Variants in XRCC5 observed in about 807,000 individuals in gnomAD.
The protein encoded by XRCC5 is X-ray repair cross complementing 5.
Under a neutral mutation model 95.7 loss-of-function variants are expected in XRCC5, and 12 were observed. The ratio of observed to expected loss-of-function variants is 0.13; its 90% CI spans 0.08 to 0.20. The LOEUF (loss-of-function observed/expected upper bound fraction) is 0.20, where lower values mean the gene tolerates loss of function less well. Among genes scored for constraint, XRCC5 ranks in the 10% least tolerant of loss-of-function variants. The pLI is 1.00. For missense variants in XRCC5, 595 were observed against 873.9 expected, an observed-to-expected ratio of 0.68 and a Z score of 4.02; for synonymous variants, 281 against 290.3, an observed-to-expected ratio of 0.97 and a Z score of 0.33.
chr2:216,156,444 C>CT, intron 14 of XRCC5: 1 of 735,598 alleles, frequency 1.4e-6, no homozygotes, highest in South Asian at 1.3e-5. Flanking sequence ...TTTGTAGTCT[C>CT]TATCGTACAG....
intron 7 of XRCC5, among the ~76,000 whole-genome samples, 156 bp from the exon 8 acceptor site, chr2:216,127,380 A>T (rs1047055228): frequency 6.6e-6 from 1 of 152,242 alleles, no homozygotes; most frequent in Non-Finnish European, 1.5e-5. Context: ...TATGAAATAA[A>T]CTAAAATTTT....
intron 19 of XRCC5, 94 bp downstream of exon 19, chr2:216,195,080 A>G: frequency 3.5e-6 from 4 of 1,141,010 alleles, no homozygotes; most frequent in Non-Finnish European, 3.9e-6. Flanking sequence ...ATGGGTAACT[A>G]AATTAGTGTA....
chr2:216,125,914 AAGTGAG>A lies in XRCC5; in HGVS notation c.685_690del (p.Glu229_Ser230del). On this transcript the variant is annotated splice_acceptor_variant and coding_sequence_variant, in exon 7 of 21. Coordinates refer to ENST00000392132, the MANE Select transcript of XRCC5 (RefSeq NM_021141.4). LOFTEE classifies it high-confidence loss of function. The stretch of plus-strand genomic sequence containing the variant: ...CTTTCATTTTATATTTTTCTTTATT[AAGTGAG>A]AGTCTGAGAAAACTGTGCGTCTTCA... 6.2e-7 allele frequency: 1 copy of A among 1,610,788 alleles called. No homozygotes were observed. The highest frequency in any genetic ancestry group is 8.5e-7 in the Non-Finnish European group (1 of 1,177,198).
At chr2:216,198,647 C>G (rs1689779155) in intron 19 of XRCC5, among the ~76,000 whole-genome samples, 1 of 151,978 alleles carries the variant, frequency 6.6e-6, no homozygotes, top group South Asian at 2.1e-4. Flanking sequence ...CCTCTGCCTC[C>G]CAGGTTCAAG....
intron 10 of XRCC5, 32 bp from the exon 11 acceptor site, chr2:216,137,053 TGAA>T: frequency 6.3e-7 from 1 of 1,593,362 alleles, no homozygotes; most frequent in South Asian, 1.2e-5. Flanking sequence ...TCTCACATGT[TGAA>T]TATGTGTTAA....
At chr2:216,200,060 G>A (rs1448025779) in intron 19 of XRCC5, among the ~76,000 whole-genome samples, 1 of 151,996 alleles carries the variant, frequency 6.6e-6, no homozygotes, top group Non-Finnish European at 1.5e-5. Flanking sequence ...CCCCTGTCTA[G>A]AGAGGTAAAG....
chr2:216,167,683 A>G (rs1047308073), intron 16 of XRCC5, among the ~76,000 whole-genome samples: 8 of 151,792 alleles, frequency 5.3e-5, no homozygotes, highest in Non-Finnish European at 1.0e-4. Flanking sequence ...TACTCTGCCC[A>G]GATAGATAAG....
intron 13 of XRCC5, among the ~76,000 whole-genome samples, chr2:216,147,146 G>A (rs1372478540): frequency 6.6e-6 from 1 of 152,144 alleles, no homozygotes; most frequent in Admixed American, 6.6e-5. Context: ...TGCGGAGATA[G>A]TATTTCAGCA....
rs1696918427 is a variant in XRCC5 at position 216,127,576 on chromosome 2, A to G, written c.839A>G (p.Asp280Gly). Residue 280 changes from aspartate to glycine, a missense_variant, in exon 8 of 21, where the codon GAT becomes GGT. By Grantham distance (94) the Asp-to-Gly change is moderately conservative. Transcript: ENST00000392132. Reference protein sequence around the residue: ...ERVKKTWTVVDAKTLKKEDIQ... With the variant: ...ERVKKTWTVVGAKTLKKEDIQ... ...GTTAAAAAGACTTGGACAGTTGTGG[A>G]TGCAAAAACCCTAAAAAAAGAAGAT... is the stretch of plus-strand genomic sequence containing the variant. 6.2e-7 allele frequency: 1 copy of G among 1,612,236 alleles called. No individual in the cohort carries two copies. The highest frequency in any genetic ancestry group is 8.5e-7 in the Non-Finnish European group (1 of 1,179,492).
chr2:216,134,431 GTTT>G (rs780804346), intron 10 of XRCC5, among the ~76,000 whole-genome samples: 11 of 125,494 alleles, frequency 8.8e-5, no homozygotes, highest in Admixed American at 8.7e-4. Context: ...TTTTTTTTTT[GTTT>G]TTTTTTTTTG....
At chr2:216,132,213 A>G (rs1697006703) in intron 9 of XRCC5, 112 bp from the exon 10 acceptor site, 1 of 984,302 alleles carries the variant, frequency 1.0e-6, no homozygotes, top group South Asian at 1.4e-5. Context: ...TGTTTTTAGT[A>G]TCTGAATGTT....
At chr2:216,158,560 C>T (rs1271970541) in intron 14 of XRCC5, among the ~76,000 whole-genome samples, 1 of 151,990 alleles carries the variant, frequency 6.6e-6, no homozygotes, top group Non-Finnish European at 1.5e-5. Flanking sequence ...CCTTGGATTT[C>T]TCCTTTTTTT....
At chr2:216,141,645 C>A (rs1002142700) in intron 13 of XRCC5, among the ~76,000 whole-genome samples, 3 of 144,038 alleles carry the variant, frequency 2.1e-5, no homozygotes, top group African/African-American at 7.7e-5. Context: ...GTGATCATAG[C>A]TCACTATAGC....
At chr2:216,168,405 T>G (rs935066463) in intron 16 of XRCC5, among the ~76,000 whole-genome samples, 2 of 152,130 alleles carry the variant, frequency 1.3e-5, no homozygotes, top group African/African-American at 4.8e-5. Flanking sequence ...ATGAAATCAT[T>G]GAAATAGAGA....
intron 16 of XRCC5, among the ~76,000 whole-genome samples, chr2:216,164,067 A>G (rs896035162): frequency 6.6e-6 from 1 of 152,234 alleles, no homozygotes; most frequent in African/African-American, 2.4e-5. Context: ...TGGAGTGATC[A>G]AGACACTTTC....
chr2:216,170,604 C>T (rs1273588639), intron 16 of XRCC5, among the ~76,000 whole-genome samples: 1 of 152,184 alleles, frequency 6.6e-6, no homozygotes, highest in Non-Finnish European at 1.5e-5. Context: ...CTACCAGGCT[C>T]CTCCTCTAAT....
At chr2:216,146,228 G>C (rs1475571749) in intron 13 of XRCC5, among the ~76,000 whole-genome samples, 4 of 152,206 alleles carry the variant, frequency 2.6e-5, no homozygotes, top group African/African-American at 9.7e-5. Flanking sequence ...ATGGGGAAGG[G>C]AGCAGGGAGA....
At chr2:216,124,015 C>G (rs79686698) in intron 6 of XRCC5, among the ~76,000 whole-genome samples, 8,132 of 152,200 alleles carry the variant, frequency 0.053, 246 homozygotes, top group African/African-American at 0.086. Flanking sequence ...CTACATGTGG[C>G]TATTTAAATT....
intron 10 of XRCC5, among the ~76,000 whole-genome samples, chr2:216,135,901 C>G (rs1448134629): frequency 2.0e-5 from 3 of 151,620 alleles, no homozygotes; most frequent in Non-Finnish European, 4.4e-5. Context: ...AATAGGGAAT[C>G]CAGGAGGAGA....
Sources: gnomAD v4.1 joint callset for allele counts (sites outside exome capture counted in the v4.1 genomes callset) on GRCh38, gnomAD v4.1.1 for gene constraint, MANE v1.5 for transcripts, NCBI Gene and HGNC (gene_info 2026-07-23, HGNC 2026-07-21) for gene names.